The following GRIK5 variants were observed in gnomAD, a reference collection of about 807,000 sequenced individuals.
The protein encoded by GRIK5 is glutamate ionotropic receptor kainate type subunit 5.
A neutral mutation model predicts 97.4 loss-of-function variants in GRIK5; 43 were observed. The observed-to-expected ratio is 0.44, with a 90% confidence interval of 0.35 to 0.57. GRIK5 has a LOEUF of 0.57. Among genes scored for constraint, GRIK5 ranks in the 20% least tolerant of loss-of-function variants. The pLI is 0.01. For missense variants in GRIK5, 1,015 were observed against 1,382.0 expected, an observed-to-expected ratio of 0.73 and a Z score of 4.21; for synonymous variants, 580 against 583.5, an observed-to-expected ratio of 0.99 and a Z score of 0.09.
chr19:42,031,889 T>C (rs2075845044), intron 12 of GRIK5, among the ~76,000 whole-genome samples: 1 of 152,144 alleles, frequency 6.6e-6, no homozygotes, highest in Admixed American at 6.6e-5. Context: ...TCGTAACACT[T>C]TGGGAGGCCA....
chr19:42,021,562 GAAGA>G lies in GRIK5; in HGVS notation c.1698-92_1698-89del. On this transcript the variant is annotated intron_variant, in intron 14 of 19. Transcript: ENST00000593562. The surrounding 1 kb of genome is among the most constrained non-coding windows in gnomAD (Gnocchi z 4.2). Reference sequence around the variant, plus strand: ...AAGCAAAGGAAAGTCACAGTGATCAGAAGAAAGGGGGAGAGATGGAAAAAGGAGC... The same window carrying G: ...AAGCAAAGGAAAGTCACAGTGATCAGAAGGGGGAGAGATGGAAAAAGGAGC... 1 of 1,107,192 alleles carries G rather than the reference GAAGA, an allele frequency of 9.0e-7. No homozygotes were observed. The highest frequency in any genetic ancestry group is 1.3e-6 in the Non-Finnish European group (1 of 792,730). The allele number at this position is 1,107,192 out of a possible 1,614,324, so 68.6% of individuals were successfully genotyped here.
At chr19:42,043,981 T>C (rs1007439609) in intron 11 of GRIK5, among the ~76,000 whole-genome samples, 2 of 152,170 alleles carry the variant, frequency 1.3e-5, no homozygotes, top group African/African-American at 2.4e-5. Flanking sequence ...TCACCTTGAA[T>C]TGTAATCCCC....
intron 12 of GRIK5, among the ~76,000 whole-genome samples, chr19:42,038,028 C>G (rs765248343): frequency 5.3e-5 from 8 of 152,208 alleles, no homozygotes; most frequent in African/African-American, 9.6e-5. Flanking sequence ...TTCCTGGGAC[C>G]CTGACCTAAG....
chr19:42,021,538 A>G lies in GRIK5; in HGVS notation c.1698-64T>C. ...CCCAGGTGGGGAGGAAAAGGAAAGA[A>G]GCAAAGGAAAGTCACAGTGATCAGA... On this transcript the variant is annotated intron_variant, in intron 14 of 19. Coordinates refer to ENST00000593562, the MANE Select transcript of GRIK5 (RefSeq NM_002088.5). The surrounding 1 kb of genome is among the most constrained non-coding windows in gnomAD (Gnocchi z 4.2). The G allele has an allele frequency of 7.4e-7, 1 of 1,345,468 alleles. No individual in the cohort carries two copies. The highest frequency in any genetic ancestry group is 1.0e-6 in the Non-Finnish European group (1 of 1,002,626). The allele number at this position is 1,345,468 out of a possible 1,614,324, so 83.3% of individuals were successfully genotyped here.
chr19:42,063,438 C>A lies in GRIK5; in HGVS notation c.245-583G>T, dbSNP rs1325258052. 15 of 443,476 alleles carry A rather than the reference C, an allele frequency of 3.4e-5. No homozygotes were observed. In the East Asian group the frequency reaches 8.4e-4, roughly 25 times the overall value. The allele number at this position is 443,476 out of a possible 1,614,324, so 27.5% of individuals were successfully genotyped here. A position where few individuals can be genotyped will look rare whatever the true frequency, so the allele number is the denominator to read the frequency against. ...TAACTTCTCCTGGGGGAACTATCCTCACCCTTCAGTCCAGGGTTCCCAGGA... is the reference window on the plus strand; with the variant it reads ...TAACTTCTCCTGGGGGAACTATCCTAACCCTTCAGTCCAGGGTTCCCAGGA... On this transcript the variant is annotated intron_variant, in intron 3 of 19. Coordinates refer to ENST00000593562, the MANE Select transcript of GRIK5 (RefSeq NM_002088.5).
chr19:42,028,278 G>T (rs1032055906), intron 12 of GRIK5, among the ~76,000 whole-genome samples: 9 of 152,110 alleles, frequency 5.9e-5, no homozygotes, highest in African/African-American at 1.7e-4. Context: ...ATGGGGGGGG[G>T]GTGTCATCTA....
chr19:42,042,502 C>T lies in GRIK5; in HGVS notation c.1473+50G>A. ...GACTGGCTGCCCAGCTGCCCGCCCT[C>T]CCTCACTCGCCGGGTCCATGCATCT... On this transcript the variant is annotated intron_variant, in intron 12 of 19. Transcript: ENST00000593562. The surrounding 1 kb of genome is among the most constrained non-coding windows in gnomAD (Gnocchi z 6.9). 2 of 1,507,806 alleles carry T rather than the reference C, an allele frequency of 1.3e-6. No individual in the cohort carries two copies. The highest frequency in any genetic ancestry group is 9.1e-7 in the Non-Finnish European group (1 of 1,103,964). The allele number at this position is 1,507,806 out of a possible 1,614,324, so 93.4% of individuals were successfully genotyped here.
At chr19:42,043,208 G>A (rs2076000843) in intron 11 of GRIK5, among the ~76,000 whole-genome samples, 1 of 152,008 alleles carries the variant, frequency 6.6e-6, no homozygotes, top group South Asian at 2.1e-4. Flanking sequence ...AACAGTCCTT[G>A]CCCTAGTAAC....
At chr19:42,044,220 A>G (rs1241421080) in intron 11 of GRIK5, among the ~76,000 whole-genome samples, 1 of 152,216 alleles carries the variant, frequency 6.6e-6, no homozygotes, top group Non-Finnish European at 1.5e-5. Context: ...CTCCCCAGCC[A>G]TGCTGAACCT....
chr19:41,999,359 C>G lies in GRIK5; in HGVS notation c.2515-60G>C. On this transcript the variant is annotated intron_variant, in intron 19 of 19. Coordinates refer to ENST00000593562, the MANE Select transcript of GRIK5 (RefSeq NM_002088.5). This position sits in a 1 kb window ranked among gnomAD's most constrained non-coding sequence, Gnocchi z 5.0. ...AGTCCGCCTCCCGCCTCCCCCAGCC[C>G]CTCTCCACATCCCACTCCTCCTCCT... is the stretch of plus-strand genomic sequence containing the variant. 1 of 1,297,866 alleles carries G rather than the reference C, an allele frequency of 7.7e-7. No homozygotes were observed. The highest frequency in any genetic ancestry group is 1.0e-6 in the Non-Finnish European group (1 of 964,088). The allele number at this position is 1,297,866 out of a possible 1,614,324, so 80.4% of individuals were successfully genotyped here.
At chr19:42,051,885 A>G (rs1250366608) in intron 11 of GRIK5, among the ~76,000 whole-genome samples, 1 of 152,006 alleles carries the variant, frequency 6.6e-6, no homozygotes, top group East Asian at 1.9e-4. Context: ...CCCAACTCCT[A>G]TGCAACCCCA....
At position 42,069,223 on chromosome 19, in the gene GRIK5, T is replaced by G; in HGVS notation, c.-51+18A>C. On this transcript the variant is annotated intron_variant, in intron 1 of 19. Transcript: ENST00000593562. ...AGGACCCAGAACCCAGCCCAATCCC[T>G]GCCCTGCAGACACTCACGGATCCTG... is the stretch of plus-strand genomic sequence containing the variant. The G allele has an allele frequency of 3.7e-6, 1 of 272,998 alleles. No individual in the cohort carries two copies. The highest frequency in any genetic ancestry group is 6.0e-5 in the East Asian group (1 of 16,588). 16.9% of individuals were successfully genotyped at this position (272,998 alleles called of 1,614,324 possible).
Position 41,998,843 on chromosome 19 carries a change from C to A in GRIK5, c.*28G>T. Reference sequence around the variant, plus strand: ...GGCGGGCCCCGTCCCTTCGGTCAGTCCGGGCGCCCGCACAGCCCCGCCCGT... The same window carrying A: ...GGCGGGCCCCGTCCCTTCGGTCAGTACGGGCGCCCGCACAGCCCCGCCCGT... On this transcript the variant is annotated 3_prime_UTR_variant, in exon 20 of 20. Transcript: ENST00000593562. The A allele has an allele frequency of 9.1e-7, 1 of 1,101,516 alleles. No individual in the cohort carries two copies. Among genetic ancestry groups the A allele is most frequent in the South Asian group, 4.4e-5 (1 of 22,616 alleles). The allele number at this position is 1,101,516 out of a possible 1,614,324, so 68.2% of individuals were successfully genotyped here.
At chr19:42,064,886 G>C (rs1191571642) in intron 3 of GRIK5, among the ~76,000 whole-genome samples, 1 of 152,212 alleles carries the variant, frequency 6.6e-6, no homozygotes, top group African/African-American at 2.4e-5. Context: ...GAATGCCTTT[G>C]CTGACCCTCG....
At chr19:42,068,490 G>A (rs1364160803) in intron 1 of GRIK5, 1 of 370,822 alleles carries the variant, frequency 2.7e-6, no homozygotes, top group Non-Finnish European at 4.8e-6. Context: ...TGAGGAGGGA[G>A]GGACTGAGGA....
At chr19:42,045,004 G>A (rs1313370916) in intron 11 of GRIK5, among the ~76,000 whole-genome samples, 2 of 152,164 alleles carry the variant, frequency 1.3e-5, no homozygotes, top group African/African-American at 4.8e-5. Flanking sequence ...GCATTCTCTC[G>A]ATGACATTAT....
In GRIK5 at chr19:42,016,938, T is replaced by A. The variant is rs148582956; in HGVS notation, c.1871+4363A>T. Among the ~76,000 whole-genome samples the A allele has an allele frequency of 2.7e-4, 40 of 149,350 alleles. 1 individual carries two copies. Among genetic ancestry groups the A allele is most frequent in the African/African-American group, 9.2e-4 (37 of 40,262 alleles). ...TCCTTGGTACATTAAAAACCCAAGTTTTTTTTTTTTGCATGATTATAATAT... is the reference window on the plus strand; with the variant it reads ...TCCTTGGTACATTAAAAACCCAAGTATTTTTTTTTTGCATGATTATAATAT... On this transcript the variant is annotated intron_variant, in intron 15 of 19. Coordinates refer to ENST00000593562, the MANE Select transcript of GRIK5 (RefSeq NM_002088.5).
chr19:42,010,310 G>A (rs1268483629), intron 15 of GRIK5, among the ~76,000 whole-genome samples: 5 of 152,140 alleles, frequency 3.3e-5, no homozygotes, highest in African/African-American at 1.2e-4. Context: ...ACTTGCAGAT[G>A]TAAGCTCCAT....
chr19:42,036,007 G>C (rs772410550), intron 12 of GRIK5, among the ~76,000 whole-genome samples: 38 of 152,100 alleles, frequency 2.5e-4, no homozygotes, highest in Admixed American at 6.6e-5. Flanking sequence ...TTTATAACCG[G>C]AAACACAGTA....
Sources: allele counts gnomAD v4.1 joint callset (sites outside exome capture counted in the v4.1 genomes callset), GRCh38; gene constraint gnomAD v4.1.1; non-coding constraint Gnocchi (gnomAD v3.1); transcripts MANE v1.5; gene names NCBI Gene and HGNC (gene_info 2026-07-23, HGNC 2026-07-21).